Variants in COPB2 observed in about 807,000 individuals in gnomAD.
The protein encoded by COPB2 is coat protein complex I subunit beta 2, also known as coatomer subunit beta'.
Under a neutral mutation model 120.8 loss-of-function variants are expected in COPB2, and 16 were observed. The ratio of observed to expected loss-of-function variants is 0.13; its 90% CI spans 0.09 to 0.20. COPB2 has a LOEUF of 0.20. COPB2 is among the 10% of genes least tolerant of loss of function. The probability of loss-of-function intolerance (pLI) is 1.00; values close to 1 mark genes in which losing one functional copy is unlikely to be tolerated. For missense variants in COPB2, 794 were observed against 1,076.5 expected, an observed-to-expected ratio of 0.74 and a Z score of 3.67; for synonymous variants, 332 against 366.3, an observed-to-expected ratio of 0.91 and a Z score of 1.07.
At chr3:139,373,510 C>T in intron 8 of COPB2, 98 bp from the exon 9 acceptor site, 7 of 1,515,606 alleles carry the variant, frequency 4.6e-6, no homozygotes, top group Non-Finnish European at 6.3e-6. Flanking sequence ...AGCTCCATTT[C>T]CTTTCTTCCA....
intron 20 of COPB2, chr3:139,358,503 CCT>C (rs1287478674): frequency 3.3e-6 from 2 of 599,024 alleles, no homozygotes; most frequent in South Asian, 2.1e-5. Context: ...GCAGTGAAAC[CCT>C]GTCTCTAATA....
Position 139,375,566 on chromosome 3 carries a change from C to CATG in COPB2, c.550_552dup (p.His184dup), listed in dbSNP as rs1941697994. 1 of 1,614,008 alleles carries CATG rather than the reference C, an allele frequency of 6.2e-7. No homozygotes were observed. The highest frequency in any genetic ancestry group is 8.5e-7 in the Non-Finnish European group (1 of 1,179,986). ...TAATCAATGCAATTCACGCCTTTCT[C>CATG]ATGTCCTTCCAAAGTGAAGTTTGGT... On this transcript the variant is annotated inframe_insertion, in exon 6 of 22. Transcript: ENST00000333188.
intron 17 of COPB2, 115 bp from the exon 18 acceptor site, chr3:139,359,477 T>C (rs999478885): frequency 2.4e-5 from 20 of 835,476 alleles, no homozygotes; most frequent in African/African-American, 3.4e-5. Context: ...TCTTCACACA[T>C]ATATCTCATT....
At chr3:139,379,670 G>A (rs1941772658) in intron 2 of COPB2, 2 of 514,004 alleles carry the variant, frequency 3.9e-6, no homozygotes, top group East Asian at 6.6e-5. Context: ...CTTTTTAAAA[G>A]ATAAGAGAAG....
Position 139,357,700 on chromosome 3 carries a change from C to T in COPB2, c.*163G>A. On this transcript the variant is annotated 3_prime_UTR_variant, in exon 22 of 22. Coordinates refer to ENST00000333188, the MANE Select transcript of COPB2 (RefSeq NM_004766.3). ...CAGTGATTTAAATGCTGCACATAAA[C>T]TCTTCTTAAGATGATGTGGGCATTG... The T allele has an allele frequency of 2.2e-6, 1 of 461,366 alleles. No homozygotes were observed. The highest frequency in any genetic ancestry group is 3.8e-6 in the Non-Finnish European group (1 of 263,882). 28.6% of individuals were successfully genotyped at this position (461,366 alleles called of 1,614,324 possible).
At chr3:139,360,511 C>T (rs1941396562) in intron 17 of COPB2, among the ~76,000 whole-genome samples, 1 of 130,648 alleles carries the variant, frequency 7.7e-6, no homozygotes, top group South Asian at 2.6e-4. Context: ...GAGTGAGATT[C>T]CATCTCAAAA....
rs1032074214 is a variant in COPB2, at chr3:139,382,230, G to T, written c.141+1068C>A. 4 of 152,288 alleles carry T rather than the reference G, an allele frequency of 2.6e-5. No individual in the cohort carries two copies. The East Asian group carries it at 7.7e-4, about 29-fold the overall frequency. The allele number at this position is 152,288 out of a possible 1,614,324, so 9.4% of individuals were successfully genotyped here. On this transcript the variant is annotated intron_variant, in intron 2 of 21. Transcript: ENST00000333188. Reference sequence around the variant, plus strand: ...CATGGGGGTGGATTTCCCCCTTGCCGTTCTCGTGATAGTGACTTCTCATGA... The same window carrying T: ...CATGGGGGTGGATTTCCCCCTTGCCTTTCTCGTGATAGTGACTTCTCATGA...
At position 139,357,814 on chromosome 3, in the gene COPB2, C is replaced by T. The variant is rs772009404; in HGVS notation, c.*49G>A. On this transcript the variant is annotated 3_prime_UTR_variant, in exon 22 of 22. Coordinates refer to ENST00000333188, the MANE Select transcript of COPB2 (RefSeq NM_004766.3). ...CTGTGGTCAGGGTAGCAATCAATACCTATATATAATAATGATCTGTTTAGT... is the reference window on the plus strand; with the variant it reads ...CTGTGGTCAGGGTAGCAATCAATACTTATATATAATAATGATCTGTTTAGT... 9.9e-7 allele frequency: 1 copy of T among 1,006,598 alleles called. No individual in the cohort carries two copies. Among genetic ancestry groups the T allele is most frequent in the Non-Finnish European group, 1.5e-6 (1 of 672,930 alleles). 62.4% of individuals were successfully genotyped at this position (1,006,598 alleles called of 1,614,324 possible).
intron 16 of COPB2, among the ~76,000 whole-genome samples, chr3:139,361,970 G>A (rs1941427464): frequency 6.6e-6 from 1 of 152,188 alleles, no homozygotes. Context: ...AGGCAGCACT[G>A]TCCTTCTCTG....
intron 7 of COPB2, 46 bp from the exon 8 acceptor site, chr3:139,373,854 C>T (rs1186688042): frequency 6.2e-7 from 1 of 1,607,658 alleles, no homozygotes; most frequent in Non-Finnish European, 8.5e-7. Flanking sequence ...AAACATCCGA[C>T]AATAAACTGT....
Position 139,373,454 on chromosome 3 carries a change from T to C in COPB2, c.895-42A>G, listed in dbSNP as rs762958436. 5.6e-6 allele frequency: 9 copies of C among 1,605,056 alleles called. 1 individual carries two copies. The East Asian group carries it at 1.3e-4, about 24-fold the overall frequency. On this transcript the variant is annotated intron_variant, in intron 8 of 21. Coordinates refer to ENST00000333188, the MANE Select transcript of COPB2 (RefSeq NM_004766.3). ...TAGCTCTCAGCAATGAAAAGGAAAATGAATAAAACCAAAACAAAACAGATT... is the reference window on the plus strand; with the variant it reads ...TAGCTCTCAGCAATGAAAAGGAAAACGAATAAAACCAAAACAAAACAGATT...
At position 139,359,156 on chromosome 3, in the gene COPB2, T is replaced by G. The variant is rs1941359947; in HGVS notation, c.2326A>C (p.Asn776His). 1 of 1,613,530 alleles carries G rather than the reference T, an allele frequency of 6.2e-7. No homozygotes were observed. The highest frequency in any genetic ancestry group is 1.1e-5 in the South Asian group (1 of 90,982). The stretch of plus-strand genomic sequence containing the variant: ...GCTTTCTGATTGACTTTTGAGAGAT[T>G]CTCTCTCCAGAGTTTCACTACCCTA... Reference protein sequence around the residue: ...VSRVVKLWRENLSKVNQKAAE... With the variant: ...VSRVVKLWREHLSKVNQKAAE... Residue 776 changes from asparagine (N) to histidine (H), a missense_variant, in exon 19 of 22, where the codon AAT becomes CAT. This residue lies in a region of COPB2 where 178 missense variants were observed against 183.2 expected (regional missense o/e 0.97). Coordinates refer to ENST00000333188, the MANE Select transcript of COPB2 (RefSeq NM_004766.3).
intron 7 of COPB2, chr3:139,374,252 G>A (rs766744501): frequency 3.9e-5 from 20 of 506,914 alleles, no homozygotes; most frequent in Non-Finnish European, 6.0e-5. Context: ...GACAGCTGAC[G>A]GTCCTCTTAT....
chr3:139,378,968 G>T, intron 4 of COPB2, 79 bp downstream of exon 4: 1 of 1,413,266 alleles, frequency 7.1e-7, no homozygotes, highest in Non-Finnish European at 9.5e-7. Flanking sequence ...TGTAACAGCA[G>T]TTAAAGCATA....
At chr3:139,387,161 C>T (rs1374153170) in intron 1 of COPB2, among the ~76,000 whole-genome samples, 11 of 150,690 alleles carry the variant, frequency 7.3e-5, no homozygotes, top group Non-Finnish European at 1.6e-4. Context: ...CAGTGAGCCA[C>T]GATTGCACCA....
chr3:139,371,010 A>C (rs534590280), intron 10 of COPB2, among the ~76,000 whole-genome samples: 1 of 152,340 alleles, frequency 6.6e-6, no homozygotes, highest in South Asian at 2.1e-4. Flanking sequence ...TGGGGGCAAG[A>C]TGCAACATAA....
chr3:139,372,980 A>G (rs922798807), intron 9 of COPB2, among the ~76,000 whole-genome samples: 1 of 152,222 alleles, frequency 6.6e-6, no homozygotes, highest in African/African-American at 2.4e-5. Flanking sequence ...CTATTTAACT[A>G]TTCAAAATTG....
At chr3:139,361,419 T>A in intron 16 of COPB2, 124 bp from the exon 17 acceptor site, 1 of 931,370 alleles carries the variant, frequency 1.1e-6, no homozygotes, top group Non-Finnish European at 1.6e-6. Flanking sequence ...GTTGGCTCTA[T>A]CAAAATAAGA....
At position 139,373,705 on chromosome 3, in the gene COPB2, A is replaced by T; in HGVS notation, c.855T>A (p.Asn285Lys). The T allele has an allele frequency of 6.2e-7, 1 of 1,614,126 alleles. No homozygotes were observed. Among genetic ancestry groups the T allele is most frequent in the Non-Finnish European group, 8.5e-7 (1 of 1,180,000 alleles). Reference protein sequence around the residue: ...WCVASLRGSNNVALGYDEGSI... With the variant: ...WCVASLRGSNKVALGYDEGSI... ...TCCCTTCATCATAGCCCAAAGCGAC[A>T]TTGTTTGACCCTCTTAGACTGGCCA... The change falls in exon 8 of 22, where the codon AAT (asparagine) becomes AAA (lysine). Residue 285 changes from asparagine to lysine, a missense_variant. Coordinates refer to ENST00000333188, the MANE Select transcript of COPB2 (RefSeq NM_004766.3).
Sources: allele counts gnomAD v4.1 joint callset (sites outside exome capture counted in the v4.1 genomes callset), GRCh38; gene constraint gnomAD v4.1.1; regional missense constraint gnomAD v4.1.1; transcripts MANE v1.5; gene names NCBI Gene and HGNC (gene_info 2026-07-23, HGNC 2026-07-21).